FAM83A: variants seen among roughly 807,000 people sequenced by gnomAD.
FAM83A encodes protein FAM83A.
In FAM83A, 21 loss-of-function variants were observed where a neutral mutation model predicts 24.4. The ratio of observed to expected loss-of-function variants is 0.86; its 90% CI spans 0.61 to 1.24. The LOEUF is 1.24. FAM83A is among the 50% of genes most tolerant of loss of function. The pLI is 0.00. For synonymous variants in FAM83A, 270 were observed against 252.4 expected (o/e 1.07, Z -0.66); for missense variants, 617 against 579.8 (o/e 1.06, Z -0.66).
At chr8:123,182,178 T>G (rs545520437), upstream of FAM83A, 1 of 452,962 alleles carries the variant, frequency 2.2e-6, no homozygotes, top group East Asian at 7.0e-5. Context: ...TGACAAACAC[T>G]TGAGAGGGCA....
chr8:123,200,960 A>ATATATATATATATAT (rs1048139338), intron 3 of FAM83A, among the ~76,000 whole-genome samples: 43 of 107,868 alleles, frequency 4.0e-4, no homozygotes, highest in Non-Finnish European at 1.0e-4. Context: ...AAATAAACAA[A>ATATATATATATATAT]AAAAAAAAAT....
chr8:123,181,313 G>T (rs543054327), upstream of FAM83A, among the ~76,000 whole-genome samples: 3 of 152,280 alleles, frequency 2.0e-5, no homozygotes, highest in East Asian at 3.9e-4. Context: ...CTACAGTAGG[G>T]TTACAGGTGT....
chr8:123,192,015 G>C (rs759111520), intron 2 of FAM83A, 45 bp downstream of exon 2: 3 of 1,597,378 alleles, frequency 1.9e-6, no homozygotes, highest in Non-Finnish European at 2.6e-6. Context: ...TATTAGCCCA[G>C]ATAGGATAGT....
chr8:123,205,637 C>T (rs995920704), intron 3 of FAM83A, among the ~76,000 whole-genome samples: 1 of 152,098 alleles, frequency 6.6e-6, no homozygotes, highest in South Asian at 2.1e-4. Flanking sequence ...TTGACGGGCC[C>T]GTTTCTGCTT....
At chr8:123,188,748 G>A (rs958148400) in intron 1 of FAM83A, among the ~76,000 whole-genome samples, 1 of 152,308 alleles carries the variant, frequency 6.6e-6, no homozygotes, top group South Asian at 2.1e-4. Flanking sequence ...CTCCCAAAGC[G>A]CTGGGATTAT....
intron 1 of FAM83A, among the ~76,000 whole-genome samples, chr8:123,187,360 G>A (rs576731949): frequency 3.3e-5 from 5 of 152,200 alleles, no homozygotes; most frequent in African/African-American, 1.2e-4. Context: ...ATCCCATGTG[G>A]GGCTGGATTA....
At chr8:123,187,083 C>T (rs1315547478) in intron 1 of FAM83A, among the ~76,000 whole-genome samples, 1 of 152,150 alleles carries the variant, frequency 6.6e-6, no homozygotes, top group Non-Finnish European at 1.5e-5. Context: ...GCTGAGTAAG[C>T]GTTTGCTGGG....
In FAM83A at chr8:123,185,845, C is replaced by T. The variant is rs140795801; in HGVS notation, c.480+2509C>T. On this transcript the variant is annotated intron_variant, in intron 1 of 3. Transcript: ENST00000690554. ...TCACTCTGTCGCCCAGGCTGGAGTG[C>T]GTTGGCTCGATCTTGGCTCACTGCA... Among the ~76,000 whole-genome samples, 7 of 152,298 alleles carry T rather than the reference C, an allele frequency of 4.6e-5. No individual in the cohort carries two copies. In the East Asian group the frequency reaches 5.8e-4, roughly 13 times the overall value.
At chr8:123,208,533 C>T in exon 4 of FAM83A, 2 of 985,560 alleles carry the variant, frequency 2.0e-6, no homozygotes, top group Non-Finnish European at 2.4e-6. Flanking sequence ...TCCCCAGATC[C>T]AGGTGCCTCT....
chr8:123,200,693 C>T lies in FAM83A; in HGVS notation c.774-6464C>T, dbSNP rs144980490. On this transcript the variant is annotated intron_variant, in intron 3 of 3. Transcript: ENST00000690554. ...ATCAGGAGGGGCGCGATGGCTCACA[C>T]CTGTAATCCCAGCACTTTGGGAGGC... is the stretch of plus-strand genomic sequence containing the variant. 9.3e-3 allele frequency among the ~76,000 whole-genome samples: 1,412 copies of T among 152,284 alleles called. 29 individuals are homozygous for T. The highest frequency in any genetic ancestry group is 0.032 in the African/African-American group (1,342 of 41,548).
At chr8:123,197,592 C>G (rs914633980) in intron 3 of FAM83A, among the ~76,000 whole-genome samples, 28 of 152,176 alleles carry the variant, frequency 1.8e-4, no homozygotes, top group African/African-American at 6.5e-4. Context: ...GGTTGTTTCC[C>G]CCTTTCGGCG....
chr8:123,207,325 G>A (rs770966276), exon 4 of FAM83A: 7 of 1,610,886 alleles, frequency 4.3e-6, no homozygotes, highest in Middle Eastern at 1.6e-4. Flanking sequence ...GAGCAGCCCC[G>A]GCCAATGGCC....
At chr8:123,183,250 A>C (rs1469646627) in exon 1 of FAM83A, 1 of 1,613,238 alleles carries the variant, frequency 6.2e-7, no homozygotes, top group Non-Finnish European at 8.5e-7. Context: ...CCTGAAGGAA[A>C]AATCCAGCGC....
upstream of FAM83A, chr8:123,179,498 G>T (rs536498299): frequency 6.6e-6 from 1 of 152,316 alleles, no homozygotes; most frequent in Non-Finnish European, 1.5e-5. Context: ...CATCCTGTTA[G>T]AGCAGCATAA....
At chr8:123,192,215 T>C (rs964332406) in intron 2 of FAM83A, among the ~76,000 whole-genome samples, 1 of 152,118 alleles carries the variant, frequency 6.6e-6, no homozygotes, top group Non-Finnish European at 1.5e-5. Flanking sequence ...CTCTGCAGGA[T>C]GTTTCCAGGA....
chr8:123,200,141 T>C (rs1052114227), intron 3 of FAM83A: 11 of 152,180 alleles, frequency 7.2e-5, no homozygotes, highest in African/African-American at 2.7e-4. Flanking sequence ...CAGAATATGA[T>C]GCACATGATG....
At chr8:123,193,285 T>C (rs1249330310) in intron 2 of FAM83A, among the ~76,000 whole-genome samples, 5 of 152,126 alleles carry the variant, frequency 3.3e-5, no homozygotes, top group African/African-American at 1.2e-4. Context: ...CTGAACAGCT[T>C]AGGGTCAGGG....
Position 123,188,552 on chromosome 8 carries a change from C to T in FAM83A, c.481-3251C>T, listed in dbSNP as rs542303438. ...AGGCTGGAGTGCGGTGGTGAGATGT[C>T]GGCTCACTGCAACCTCTGCCTCCCA... On this transcript the variant is annotated intron_variant, in intron 1 of 3. Coordinates refer to ENST00000690554, the Ensembl canonical transcript of FAM83A. Among the ~76,000 whole-genome samples, 331 of 150,714 alleles carry T rather than the reference C, an allele frequency of 2.2e-3. 1 individual carries two copies. Among genetic ancestry groups the T allele is most frequent in the Non-Finnish European group, 3.0e-3 (205 of 67,772 alleles).
In FAM83A at chr8:123,205,134, G is replaced by GA. The variant is rs1170819292; in HGVS notation, c.774-2014dup. 7.5e-4 allele frequency among the ~76,000 whole-genome samples: 114 copies of GA among 151,462 alleles called. 1 individual carries two copies. The highest frequency in any genetic ancestry group is 1.9e-3 in the African/African-American group (79 of 41,320). On this transcript the variant is annotated intron_variant, in intron 3 of 3. Transcript: ENST00000690554. ...CTCAAAAAAAAATTTTAAAAGAAAA[G>GA]AAAAAAAAAGCTAAAGCATGAGATG... is the stretch of plus-strand genomic sequence containing the variant.
Sources: allele counts gnomAD v4.1 joint callset (sites outside exome capture counted in the v4.1 genomes callset), GRCh38; gene constraint gnomAD v4.1.1; transcripts MANE v1.5; gene names NCBI Gene and HGNC (gene_info 2026-07-23, HGNC 2026-07-21).